Variants in KLRG1 observed in about 807,000 individuals in gnomAD.
KLRG1 encodes killer cell lectin-like receptor subfamily G member 1.
KLRG1 carries 16 observed loss-of-function variants against 21.8 expected under a neutral mutation model. The observed-to-expected ratio is 0.73, with a 90% CI of 0.50 to 1.11. The LOEUF is 1.11. KLRG1 is among the 50% of genes most tolerant of loss of function. The probability of loss-of-function intolerance (pLI) is 0.00; values close to 1 mark genes in which losing one functional copy is unlikely to be tolerated. For missense variants in KLRG1, 173 were observed against 218.3 expected, an observed-to-expected ratio of 0.79 and a Z score of 1.31; for synonymous variants, 69 against 75.9, an observed-to-expected ratio of 0.91 and a Z score of 0.47.
chr12:9,030,633 C>T, the KLRG1 span, among the ~76,000 whole-genome samples: 1 of 152,136 alleles, frequency 6.6e-6, no homozygotes, highest in East Asian at 1.9e-4. Flanking sequence ...GTCTCGAACT[C>T]CTAACCTTGT....
chr12:9,141,111 A>C, the KLRG1 span, among the ~76,000 whole-genome samples: 7 of 152,208 alleles, frequency 4.6e-5, no homozygotes, highest in Non-Finnish European at 8.8e-5. Flanking sequence ...AATTGACAAG[A>C]ATATCTGTTA....
At chr12:9,161,233 C>T in the KLRG1 span, 1 of 788,258 alleles carries the variant, frequency 1.3e-6, no homozygotes, top group South Asian at 2.1e-5. Context: ...ACTGGCCCTG[C>T]TTTGTGACCT....
At chr12:8,977,441 C>T (rs972615526) in intron 1 of KLRG1, among the ~76,000 whole-genome samples, 1 of 146,328 alleles carries the variant, frequency 6.8e-6, no homozygotes, top group Admixed American at 6.9e-5. Context: ...GTCTCGATCT[C>T]CTGACCTTGT....
the KLRG1 span, chr12:9,101,595 T>C: frequency 6.2e-7 from 1 of 1,614,034 alleles, no homozygotes. Flanking sequence ...GAACACAAGA[T>C]AAGCAGTGTG....
the KLRG1 span, chr12:9,112,122 A>G: frequency 6.2e-7 from 1 of 1,608,064 alleles, no homozygotes; most frequent in Middle Eastern, 1.7e-4. Context: ...GCCTGTTTAT[A>G]CAGACAATCA....
chr12:9,198,895 T>C, the KLRG1 span, among the ~76,000 whole-genome samples: 1 of 152,182 alleles, frequency 6.6e-6, no homozygotes, highest in Non-Finnish European at 1.5e-5. Context: ...CTAGGCGTTT[T>C]GGTGTTTCTG....
chr12:9,052,011 G>A, the KLRG1 span, among the ~76,000 whole-genome samples: 2 of 152,204 alleles, frequency 1.3e-5, no homozygotes, highest in African/African-American at 2.4e-5. Context: ...TTGTTGGGGA[G>A]CCCTGCAAAT....
chr12:8,966,400 C>T (rs1388522013), intron 1 of KLRG1, among the ~76,000 whole-genome samples: 5 of 151,938 alleles, frequency 3.3e-5, no homozygotes, highest in Non-Finnish European at 7.4e-5. Flanking sequence ...AGTGAACAGG[C>T]AACCTACAGA....
chr12:9,072,246 T>G, the KLRG1 span: 4 of 1,278,238 alleles, frequency 3.1e-6, no homozygotes, highest in Non-Finnish European at 4.4e-6. Context: ...TACATTGCAT[T>G]TTTTGTGAAT....
chr12:9,161,574 G>A, the KLRG1 span, among the ~76,000 whole-genome samples: 3 of 152,014 alleles, frequency 2.0e-5, no homozygotes, highest in Non-Finnish European at 2.9e-5. Context: ...GGGAACTATC[G>A]CTCTCCACTT....
At chr12:9,112,082 T>TCTTC in the KLRG1 span, 21 of 1,387,736 alleles carry the variant, frequency 1.5e-5, no homozygotes, top group Admixed American at 6.7e-5. Flanking sequence ...CTCTCCCTGG[T>TCTTC]CTTCCCTCAG....
the KLRG1 span, chr12:9,072,487 C>T: frequency 6.2e-7 from 1 of 1,608,946 alleles, no homozygotes; most frequent in Non-Finnish European, 8.5e-7. Context: ...TCAAGGATGT[C>T]TATAGAACAT....
chr12:8,973,374 T>A (rs1175103842), intron 1 of KLRG1, among the ~76,000 whole-genome samples: 2 of 152,104 alleles, frequency 1.3e-5, no homozygotes, highest in South Asian at 2.1e-4. Flanking sequence ...TCATGAGGGC[T>A]TTGCCCTCAT....
the KLRG1 span, among the ~76,000 whole-genome samples, chr12:9,140,288 A>T: frequency 2.0e-5 from 3 of 152,098 alleles, no homozygotes; most frequent in Non-Finnish European, 4.4e-5. Context: ...GAATGGGATG[A>T]CCCATGCTAT....
the KLRG1 span, among the ~76,000 whole-genome samples, chr12:9,210,870 G>A: frequency 2.6e-5 from 4 of 152,120 alleles, no homozygotes; most frequent in Non-Finnish European, 5.9e-5. Flanking sequence ...GATCATCCAA[G>A]AGGTTTAATG....
At chr12:8,978,450 A>G (rs80117672) in intron 1 of KLRG1, among the ~76,000 whole-genome samples, 8,464 of 152,290 alleles carry the variant, frequency 0.056, 340 homozygotes, top group African/African-American at 0.11. Flanking sequence ...TCCTGGAATT[A>G]CAGACATGAA....
the KLRG1 span, among the ~76,000 whole-genome samples, chr12:9,075,126 TC>T: frequency 1.3e-5 from 2 of 152,238 alleles, no homozygotes; most frequent in Admixed American, 1.3e-4. Flanking sequence ...TTGTTACATT[TC>T]CTATAAAGTG....
At chr12:9,070,352 T>C in the KLRG1 span, 13 of 661,962 alleles carry the variant, frequency 2.0e-5, no homozygotes, top group Non-Finnish European at 2.6e-5. Flanking sequence ...CATGTGATTA[T>C]ATTTCTGAGC....
chr12:9,137,168 C>A, the KLRG1 span, among the ~76,000 whole-genome samples: 1 of 152,090 alleles, frequency 6.6e-6, no homozygotes, highest in Non-Finnish European at 1.5e-5. Context: ...TCAGGCCTTA[C>A]TTTTATGTCT....
Sources: gnomAD v4.1 joint callset for allele counts (sites outside exome capture counted in the v4.1 genomes callset) on GRCh38, gnomAD v4.1.1 for gene constraint, MANE v1.5 for transcripts, NCBI Gene and HGNC (gene_info 2026-07-23, HGNC 2026-07-21) for gene names.